Variants in DMD observed in about 807,000 individuals in gnomAD.
The protein encoded by DMD is mutant dystrophin.
Under a neutral mutation model 330.1 loss-of-function variants are expected in DMD, and 63 were observed. That is an observed-to-expected ratio of 0.19 (90% CI 0.16 to 0.24). The LOEUF (loss-of-function observed/expected upper bound fraction) is 0.24, where lower values mean the gene tolerates loss of function less well. Among genes scored for constraint, DMD ranks in the 10% least tolerant of loss-of-function variants. DMD has a pLI of 1.00. For synonymous variants in DMD, 1,223 were observed against 959.8 expected (o/e 1.27, Z -5.07); for missense variants, 3,344 against 2,684.1 (o/e 1.25, Z -5.43).
At chrX:31,717,706 G>A (rs1405642526) in intron 52 of DMD, among the ~76,000 whole-genome samples, 1 of 112,298 alleles carries the variant, frequency 8.9e-6, no homozygotes, top group Non-Finnish European at 1.9e-5. Flanking sequence ...CAGGTTGACT[G>A]GGTTTTATCA....
At chrX:32,681,157 A>G (rs1353165018) in intron 9 of DMD, among the ~76,000 whole-genome samples, 8 of 111,619 alleles carry the variant, frequency 7.2e-5, no homozygotes, top group African/African-American at 1.6e-4. Context: ...CCATTTATTG[A>G]AATCATGTCC....
At chrX:31,684,695 C>A (rs1303909717) in intron 52 of DMD, among the ~76,000 whole-genome samples, 1 of 112,028 alleles carries the variant, frequency 8.9e-6, no homozygotes, top group Non-Finnish European at 1.9e-5. Flanking sequence ...ATCCTGATAT[C>A]CATCTTAGAA....
intron 34 of DMD, among the ~76,000 whole-genome samples, chrX:32,379,085 T>A (rs1163931402): frequency 1.8e-5 from 2 of 110,573 alleles, no homozygotes; most frequent in African/African-American, 6.5e-5. Context: ...ATGAATATAC[T>A]TTATTTGACA....
At chrX:32,974,972 T>C (rs1228633188) in intron 2 of DMD, among the ~76,000 whole-genome samples, 4 of 112,003 alleles carry the variant, frequency 3.6e-5, no homozygotes, top group Non-Finnish European at 7.5e-5. Context: ...TAAATGAAGC[T>C]AGAAAAAGGA....
intron 41 of DMD, among the ~76,000 whole-genome samples, chrX:32,335,778 A>G (rs2097707336): frequency 1.9e-5 from 2 of 102,777 alleles, no homozygotes; most frequent in Non-Finnish European, 4.0e-5. Flanking sequence ...AAAACGTTAT[A>G]TATGTATAAC....
intron 43 of DMD, among the ~76,000 whole-genome samples, chrX:32,231,953 C>A (rs1187677161): frequency 4.5e-5 from 5 of 111,357 alleles, no homozygotes; most frequent in African/African-American, 1.3e-4. Flanking sequence ...TATATATACA[C>A]ACAAATATAG....
rs76558433 is a variant in DMD at position 32,890,615 on chromosome X, G to A, written c.94-40795C>T. Reference sequence around the variant, plus strand: ...CTGCTGAAAAACAAGCAAACAAAAAGTACCAGCACCTTTTTGTTTCTTTGG... The same window carrying A: ...CTGCTGAAAAACAAGCAAACAAAAAATACCAGCACCTTTTTGTTTCTTTGG... On this transcript the variant is annotated intron_variant, in intron 2 of 78. Coordinates refer to ENST00000357033, the MANE Select transcript of DMD (RefSeq NM_004006.3). Among the ~76,000 whole-genome samples, 659 of 111,187 alleles carry A rather than the reference G, an allele frequency of 5.9e-3. 3 individuals are homozygous for A. Among genetic ancestry groups the A allele is most frequent in the Admixed American group, 9.8e-3 (102 of 10,448 alleles).
chrX:32,581,911 CAT>C (rs1281477865), intron 13 of DMD, among the ~76,000 whole-genome samples: 1 of 111,772 alleles, frequency 8.9e-6, no homozygotes, highest in Non-Finnish European at 1.9e-5. Flanking sequence ...AAAACTAAGT[CAT>C]GTGATTTGAC....
At chrX:31,392,718 C>A (rs2060736298) in intron 60 of DMD, among the ~76,000 whole-genome samples, 1 of 112,145 alleles carries the variant, frequency 8.9e-6, no homozygotes, top group African/African-American at 3.2e-5. Flanking sequence ...AAGCTCTAAT[C>A]CTCTATTAGG....
At chrX:31,557,823 C>T (rs1398480027) in intron 55 of DMD, among the ~76,000 whole-genome samples, 1 of 110,009 alleles carries the variant, frequency 9.1e-6, no homozygotes, top group Non-Finnish European at 1.9e-5. Flanking sequence ...CACATAAAAT[C>T]GGCATAGACG....
intron 2 of DMD, among the ~76,000 whole-genome samples, chrX:32,904,185 T>C (rs2086539641): frequency 8.9e-6 from 1 of 112,198 alleles, no homozygotes; most frequent in African/African-American, 3.2e-5. Context: ...TTATATGTAA[T>C]CTTTTTTCTT....
intron 57 of DMD, among the ~76,000 whole-genome samples, chrX:31,490,486 G>C (rs1277572575): frequency 9.0e-6 from 1 of 111,607 alleles, no homozygotes; most frequent in Non-Finnish European, 1.9e-5. Flanking sequence ...AACCCAGGAG[G>C]TGGAGCTTGC....
intron 11 of DMD, among the ~76,000 whole-genome samples, chrX:32,615,085 A>G (rs1250745465): frequency 1.8e-5 from 2 of 111,513 alleles, no homozygotes; most frequent in Non-Finnish European, 3.8e-5. Context: ...GTGAGCTTCC[A>G]GCTCAGCACA....
At chrX:32,501,336 C>T (rs368436099) in intron 19 of DMD, among the ~76,000 whole-genome samples, 7 of 111,276 alleles carry the variant, frequency 6.3e-5, no homozygotes, top group Non-Finnish European at 9.4e-5. Flanking sequence ...ACAGGAATGA[C>T]GGTAAAACAT....
At chrX:31,945,696 A>C (rs1220948737) in intron 45 of DMD, among the ~76,000 whole-genome samples, 1 of 112,017 alleles carries the variant, frequency 8.9e-6, no homozygotes, top group East Asian at 2.8e-4. Context: ...GAAAAAAATT[A>C]AGATTGTTAG....
chrX:31,295,347 C>T (rs1417420993), intron 62 of DMD, among the ~76,000 whole-genome samples: 2 of 110,101 alleles, frequency 1.8e-5, no homozygotes, highest in African/African-American at 6.6e-5. Flanking sequence ...ATTTTTTTTT[C>T]ATATAACAGC....
chrX:31,505,798 T>C lies in DMD; in HGVS notation c.8390+1483A>G, dbSNP rs776056082. Among the ~76,000 whole-genome samples the C allele has an allele frequency of 5.4e-5, 6 of 110,867 alleles. No homozygotes were observed. The South Asian group carries it at 2.4e-3, about 44-fold the overall frequency. On this transcript the variant is annotated intron_variant, in intron 56 of 78. Coordinates refer to ENST00000357033, the MANE Select transcript of DMD (RefSeq NM_004006.3). ...ACAGGCGCGTGCCACCATGCCCAGC[T>C]AATTTTTGTATTTTTGGTAGAGACG...
At chrX:31,865,057 C>G (rs2093775395) in intron 48 of DMD, among the ~76,000 whole-genome samples, 1 of 112,131 alleles carries the variant, frequency 8.9e-6, no homozygotes, top group Non-Finnish European at 1.9e-5. Context: ...TTTCTTTCCC[C>G]TTATTATTCT....
chrX:32,197,906 G>A (rs940079939), intron 44 of DMD, among the ~76,000 whole-genome samples: 1 of 111,219 alleles, frequency 9.0e-6, no homozygotes, highest in African/African-American at 3.3e-5. Context: ...TAGTCACTAT[G>A]TCGTACAAAA....
Sources: gnomAD v4.1 joint callset for allele counts (sites outside exome capture counted in the v4.1 genomes callset) on GRCh38, gnomAD v4.1.1 for gene constraint, MANE v1.5 for transcripts, NCBI Gene and HGNC (gene_info 2026-07-23, HGNC 2026-07-21) for gene names.